NECAB1: variants seen among roughly 807,000 people sequenced by gnomAD.
NECAB1 encodes the protein N-terminal EF-hand calcium binding protein 1.
Under a neutral mutation model 57.5 loss-of-function variants are expected in NECAB1, and 29 were observed. That is an observed-to-expected ratio of 0.50 (90% CI 0.38 to 0.69). The LOEUF is 0.69. Among genes scored for constraint, NECAB1 ranks in the 30% least tolerant of loss-of-function variants. The pLI is 0.00. For missense variants in NECAB1, 372 were observed against 413.8 expected, an observed-to-expected ratio of 0.90 and a Z score of 0.88; for synonymous variants, 142 against 147.7, an observed-to-expected ratio of 0.96 and a Z score of 0.28.
intron 2 of NECAB1, among the ~76,000 whole-genome samples, chr8:90,822,958 A>C (rs1173317750): frequency 6.6e-6 from 1 of 151,368 alleles, no homozygotes; most frequent in Non-Finnish European, 1.5e-5. Flanking sequence ...CTGGCAATAC[A>C]TTTTTCATCA....
chr8:90,888,732 T>A (rs921911942), intron 5 of NECAB1, among the ~76,000 whole-genome samples: 2 of 152,164 alleles, frequency 1.3e-5, no homozygotes, highest in African/African-American at 4.8e-5. Flanking sequence ...AATGAATATG[T>A]GCAAAAAAAG....
intron 10 of NECAB1, among the ~76,000 whole-genome samples, chr8:90,947,389 CTTCTTTTTTTTTTT>C (rs1243565970): frequency 2.9e-5 from 4 of 137,226 alleles, no homozygotes; most frequent in Admixed American, 1.5e-4. Flanking sequence ...CTACATGTAA[CTTCTTTTTTTTTTT>C]TTCTTTTTTT....
intron 10 of NECAB1, among the ~76,000 whole-genome samples, chr8:90,943,209 C>T (rs958169978): frequency 2.0e-5 from 3 of 152,136 alleles, no homozygotes; most frequent in African/African-American, 7.2e-5. Flanking sequence ...TCCATTCTCT[C>T]AATAACCACA....
chr8:90,824,595 G>C (rs993623435), intron 2 of NECAB1, 122 bp from the exon 3 acceptor site: 6 of 519,184 alleles, frequency 1.2e-5, no homozygotes, highest in African/African-American at 7.8e-5. Context: ...ACCTTCAGCT[G>C]TTCTTTCTTT....
At chr8:90,840,519 G>A (rs1412762217) in intron 3 of NECAB1, among the ~76,000 whole-genome samples, 1 of 152,172 alleles carries the variant, frequency 6.6e-6, no homozygotes, top group Non-Finnish European at 1.5e-5. Flanking sequence ...CTGTCAGAGT[G>A]GTAATCTTCA....
intron 1 of NECAB1, among the ~76,000 whole-genome samples, chr8:90,797,446 A>G (rs767371588): frequency 5.3e-5 from 8 of 152,228 alleles, no homozygotes; most frequent in Non-Finnish European, 1.5e-5. Context: ...TTTATAGTAG[A>G]AAGCAGTAAA....
At chr8:90,888,127 A>G (rs1809054770) in intron 5 of NECAB1, among the ~76,000 whole-genome samples, 1 of 152,200 alleles carries the variant, frequency 6.6e-6, no homozygotes. Flanking sequence ...TATAATTTCA[A>G]ATAGCCATTT....
chr8:90,885,726 C>T (rs1808966459), intron 5 of NECAB1, among the ~76,000 whole-genome samples: 1 of 152,020 alleles, frequency 6.6e-6, no homozygotes, highest in East Asian at 1.9e-4. Flanking sequence ...TATGTGGTTC[C>T]ATATGCACAT....
At chr8:90,862,424 G>T (rs796078361) in intron 3 of NECAB1, among the ~76,000 whole-genome samples, 1 of 152,144 alleles carries the variant, frequency 6.6e-6, no homozygotes, top group African/African-American at 2.4e-5. Context: ...AAACACAGAG[G>T]TATTCTACCT....
intron 3 of NECAB1, among the ~76,000 whole-genome samples, chr8:90,829,400 G>A (rs1202057866): frequency 6.6e-6 from 1 of 152,040 alleles, no homozygotes; most frequent in African/African-American, 2.4e-5. Context: ...ATAAATCCTT[G>A]TGATGTTAAT....
At chr8:90,825,053 AT>A (rs1307306036) in intron 3 of NECAB1, 2 of 305,074 alleles carry the variant, frequency 6.6e-6, no homozygotes, top group Non-Finnish European at 1.2e-5. Context: ...GTGTTTTTAG[AT>A]TGTTCCCACT....
At chr8:90,824,659 A>T in intron 2 of NECAB1, 58 bp from the exon 3 acceptor site, 1 of 1,189,916 alleles carries the variant, frequency 8.4e-7, no homozygotes. Flanking sequence ...TATAAAGCAA[A>T]AACAGAACAA....
At chr8:90,904,101 C>A (rs1159962) in intron 5 of NECAB1, among the ~76,000 whole-genome samples, 80,201 of 151,958 alleles carry the variant, frequency 0.53, 24,714 homozygotes, top group African/African-American at 0.83. Context: ...GGCCAAATCA[C>A]TTTCCTGGGT....
chr8:90,930,299 C>T (rs1452056040), intron 8 of NECAB1, among the ~76,000 whole-genome samples: 1 of 152,110 alleles, frequency 6.6e-6, no homozygotes, highest in Non-Finnish European at 1.5e-5. Context: ...GGGTTAAGAA[C>T]AGGGGGAGCT....
intron 2 of NECAB1, among the ~76,000 whole-genome samples, chr8:90,809,149 G>C (rs374227309): frequency 1.3e-5 from 2 of 152,184 alleles, no homozygotes; most frequent in East Asian, 1.9e-4. Context: ...TGAAATTCTC[G>C]TGTGTCTTGG....
rs1003582771 is a variant in NECAB1, at chr8:90,951,272, T to C, written c.1030+68T>C. The stretch of plus-strand genomic sequence containing the variant: ...TTTTGTTTGTTTGTTTCGTAAAAGA[T>C]AGTATGCTCTTTCCTTCTATATTTT... On this transcript the variant is annotated intron_variant, in intron 12 of 12. Coordinates refer to ENST00000417640, the MANE Select transcript of NECAB1 (RefSeq NM_022351.5). 10 of 854,062 alleles carry C rather than the reference T, an allele frequency of 1.2e-5. No homozygotes were observed. In the East Asian group the frequency reaches 1.4e-4, roughly 12 times the overall value. The allele number at this position is 854,062 out of a possible 1,614,324, so 52.9% of individuals were successfully genotyped here.
intron 5 of NECAB1, among the ~76,000 whole-genome samples, chr8:90,896,820 CCTAA>C (rs1158228594): frequency 2.0e-5 from 3 of 152,128 alleles, no homozygotes; most frequent in African/African-American, 4.8e-5. Context: ...CCTGCTCCAC[CCTAA>C]CTCATTCTGA....
At chr8:90,950,452 A>G (rs1810902730) in intron 11 of NECAB1, among the ~76,000 whole-genome samples, 1 of 152,204 alleles carries the variant, frequency 6.6e-6, no homozygotes, top group Non-Finnish European at 1.5e-5. Context: ...TATAATTTTA[A>G]AATGGAATGA....
At chr8:90,850,019 C>T (rs1563504826) in intron 3 of NECAB1, among the ~76,000 whole-genome samples, 1 of 152,122 alleles carries the variant, frequency 6.6e-6, no homozygotes, top group Non-Finnish European at 1.5e-5. Flanking sequence ...ATTCAATATA[C>T]TCTGTCAAAC....
Sources: allele counts gnomAD v4.1 joint callset (sites outside exome capture counted in the v4.1 genomes callset), GRCh38; gene constraint gnomAD v4.1.1; transcripts MANE v1.5; gene names NCBI Gene and HGNC (gene_info 2026-07-23, HGNC 2026-07-21).